The following DYNLT5 variants were observed in gnomAD, a reference collection of about 807,000 sequenced individuals.
DYNLT5 encodes the protein dynein light chain Tctex-type 5.
A neutral mutation model predicts 19.3 loss-of-function variants in DYNLT5; 25 were observed. The ratio of observed to expected loss-of-function variants is 1.30; its 90% CI spans 0.95 to 1.81. The LOEUF (loss-of-function observed/expected upper bound fraction) is 1.81, where lower values mean the gene tolerates loss of function less well. DYNLT5 is among the 40% of genes most tolerant of loss of function. The pLI is 0.00. For missense variants in DYNLT5, 232 were observed against 217.9 expected, an observed-to-expected ratio of 1.06 and a Z score of -0.41; for synonymous variants, 82 against 68.9, an observed-to-expected ratio of 1.19 and a Z score of -0.94.
chr1:66,759,490 G>C (rs1243499689), intron 2 of DYNLT5, among the ~76,000 whole-genome samples: 2 of 152,058 alleles, frequency 1.3e-5, no homozygotes, highest in African/African-American at 2.4e-5. Context: ...ATAATTAATA[G>C]GCTGGCTGAA....
At chr1:66,762,226 A>G (rs1454003495) in intron 2 of DYNLT5, among the ~76,000 whole-genome samples, 1 of 152,200 alleles carries the variant, frequency 6.6e-6, no homozygotes, top group African/African-American at 2.4e-5. Context: ...TGATTTTTCC[A>G]TAAATATAAT....
intron 1 of DYNLT5, among the ~76,000 whole-genome samples, chr1:66,753,551 G>A (rs536166178): frequency 1.3e-5 from 2 of 152,200 alleles, no homozygotes; most frequent in Admixed American, 6.5e-5. Flanking sequence ...AATGTTGCTC[G>A]AGAAAACAAA....
At chr1:66,753,249 C>T (rs1184787031) in intron 1 of DYNLT5, among the ~76,000 whole-genome samples, 1 of 152,194 alleles carries the variant, frequency 6.6e-6, no homozygotes, top group African/African-American at 2.4e-5. Context: ...GTGTGCCCTA[C>T]CTACTCAACT....
intron 1 of DYNLT5, among the ~76,000 whole-genome samples, chr1:66,752,788 T>A (rs1417686311): frequency 1.3e-5 from 2 of 152,214 alleles, no homozygotes; most frequent in Non-Finnish European, 2.9e-5. Context: ...CCCCATTGCA[T>A]GGCTGGGGGC....
chr1:66,776,656 A>C (rs1451763429), intron 4 of DYNLT5, among the ~76,000 whole-genome samples: 2 of 152,034 alleles, frequency 1.3e-5, no homozygotes, highest in East Asian at 3.8e-4. Flanking sequence ...AAACTGCCCC[A>C]TTTATAAAAG....
chr1:66,774,718 C>A (rs1475988321), intron 3 of DYNLT5, among the ~76,000 whole-genome samples: 2 of 152,044 alleles, frequency 1.3e-5, no homozygotes, highest in African/African-American at 4.8e-5. Flanking sequence ...CTCCACATGA[C>A]CCTTCTGGGA....
At chr1:66,763,957 G>A (rs2094650182) in intron 2 of DYNLT5, among the ~76,000 whole-genome samples, 1 of 152,172 alleles carries the variant, frequency 6.6e-6, no homozygotes, top group Non-Finnish European at 1.5e-5. Context: ...GGCTGAGGTG[G>A]GTGGATCACT....
intron 2 of DYNLT5, among the ~76,000 whole-genome samples, chr1:66,756,685 G>C (rs1434857187): frequency 6.6e-6 from 1 of 152,094 alleles, no homozygotes; most frequent in Non-Finnish European, 1.5e-5. Context: ...AAAGTTTACA[G>C]GTCAAGTAAT....
chr1:66,776,579 A>G (rs72671637), intron 4 of DYNLT5, among the ~76,000 whole-genome samples, 176 bp downstream of exon 4: 2,397 of 115,798 alleles, frequency 0.021, 24 homozygotes, highest in Admixed American at 0.023. Flanking sequence ...GTGTGTGTGT[A>G]TATACATAAA....
At position 66,765,093 on chromosome 1, in the gene DYNLT5, T is replaced by A. The variant is rs2094652382; in HGVS notation, c.120-5294T>A. On this transcript the variant is annotated intron_variant, in intron 2 of 4. Coordinates refer to ENST00000282670, the MANE Select transcript of DYNLT5 (RefSeq NM_152665.3). ...CATGTTGTGGGCAATAAACATTTGTTGAAAGAATGAAGAAAAATGGAAAGT... is the reference window on the plus strand; with the variant it reads ...CATGTTGTGGGCAATAAACATTTGTAGAAAGAATGAAGAAAAATGGAAAGT... 2.0e-5 allele frequency among the ~76,000 whole-genome samples: 3 copies of A among 152,172 alleles called. No individual in the cohort carries two copies. In the South Asian group the frequency reaches 6.2e-4, roughly 31 times the overall value.
At chr1:66,755,506 G>A (rs78131477) in intron 2 of DYNLT5, among the ~76,000 whole-genome samples, 2,032 of 152,190 alleles carry the variant, frequency 0.013, 61 homozygotes, top group Admixed American at 0.069. Flanking sequence ...ATAGACTTTC[G>A]TTCTTAGTTT....
rs1572554250 is a variant in DYNLT5 at position 66,777,500 on chromosome 1, G to A, written c.*46G>A. On this transcript the variant is annotated 3_prime_UTR_variant, in exon 5 of 5. Transcript: ENST00000282670. ...TCTTACTTTTGAAAATTCTGAGGCA[G>A]GCTGTATGTCTGTACACAAAAGTTT... The A allele has an allele frequency of 1.3e-6, 2 of 1,574,564 alleles. No homozygotes were observed. Among genetic ancestry groups the A allele is most frequent in the Non-Finnish European group, 1.7e-6 (2 of 1,152,048 alleles).
At chr1:66,753,073 A>G (rs2094629864) in intron 1 of DYNLT5, among the ~76,000 whole-genome samples, 1 of 152,160 alleles carries the variant, frequency 6.6e-6, no homozygotes, top group Non-Finnish European at 1.5e-5. Context: ...ACGAACACAG[A>G]CACACTTATA....
intron 2 of DYNLT5, among the ~76,000 whole-genome samples, chr1:66,764,566 A>ATATTTTGTT (rs1276601620): frequency 6.6e-6 from 1 of 152,230 alleles, no homozygotes; most frequent in Non-Finnish European, 1.5e-5. Flanking sequence ...CAATTACAAT[A>ATATTTTGTT]ATAACATAAA....
At chr1:66,766,357 G>T (rs1031418612) in intron 2 of DYNLT5, among the ~76,000 whole-genome samples, 1 of 152,128 alleles carries the variant, frequency 6.6e-6, no homozygotes, top group Non-Finnish European at 1.5e-5. Flanking sequence ...CCCCAAAAAT[G>T]TATTGTGCCA....
intron 2 of DYNLT5, among the ~76,000 whole-genome samples, chr1:66,769,302 T>C (rs751153822): frequency 2.0e-5 from 3 of 152,172 alleles, no homozygotes; most frequent in Non-Finnish European, 4.4e-5. Flanking sequence ...CCCTAATTTA[T>C]CATGTAAGTT....
At chr1:66,762,197 A>G (rs2094647121) in intron 2 of DYNLT5, among the ~76,000 whole-genome samples, 1 of 152,210 alleles carries the variant, frequency 6.6e-6, no homozygotes, top group Non-Finnish European at 1.5e-5. Context: ...TCAATTATGC[A>G]TATTCATGGG....
chr1:66,766,178 A>G lies in DYNLT5; in HGVS notation c.120-4209A>G, dbSNP rs192530989. ...AATTTTTTTCTCCATAAATGCCAGC[A>G]AGCTGGTAAAACACATAGACAGCAA... On this transcript the variant is annotated intron_variant, in intron 2 of 4. Transcript: ENST00000282670. 7.5e-3 allele frequency among the ~76,000 whole-genome samples: 1,140 copies of G among 152,330 alleles called. 8 individuals carry two copies. Among genetic ancestry groups the G allele is most frequent in the Non-Finnish European group, 0.014 (925 of 68,032 alleles).
intron 1 of DYNLT5, among the ~76,000 whole-genome samples, chr1:66,753,247 T>C (rs1217907906): frequency 2.0e-5 from 3 of 152,218 alleles, no homozygotes; most frequent in Non-Finnish European, 4.4e-5. Flanking sequence ...TTGTGTGCCC[T>C]ACCTACTCAA....
Sources: gnomAD v4.1 joint callset for allele counts (sites outside exome capture counted in the v4.1 genomes callset) on GRCh38, gnomAD v4.1.1 for gene constraint, MANE v1.5 for transcripts, NCBI Gene and HGNC (gene_info 2026-07-23, HGNC 2026-07-21) for gene names.